The following TRIQK variants were observed in gnomAD, a reference collection of about 807,000 sequenced individuals.
TRIQK encodes the protein triple QxxK/R motif containing.
In TRIQK, 10 loss-of-function variants were observed where a neutral mutation model predicts 10.8. That is an observed-to-expected ratio of 0.92 (90% confidence interval 0.57 to 1.57). The LOEUF (loss-of-function observed/expected upper bound fraction) is 1.57. TRIQK is among the 40% of genes most tolerant of loss of function. The pLI is 0.00. For missense variants in TRIQK, 107 were observed against 97.7 expected (o/e 1.09, Z -0.40); for synonymous variants, 33 against 33.7 (o/e 0.98, Z 0.07).
chr8:92,920,081 T>C (rs1272866856), intron 2 of TRIQK, among the ~76,000 whole-genome samples: 2 of 151,802 alleles, frequency 1.3e-5, no homozygotes, highest in South Asian at 4.1e-4. Context: ...AACAACTTTT[T>C]GTTTTGTTGA....
At chr8:92,944,885 T>C (rs1811442744) in intron 2 of TRIQK, among the ~76,000 whole-genome samples, 1 of 152,116 alleles carries the variant, frequency 6.6e-6, no homozygotes. Context: ...GATAAATATA[T>C]AAGGTGATGG....
At chr8:92,939,302 A>C (rs1586461657) in intron 2 of TRIQK, among the ~76,000 whole-genome samples, 1 of 152,158 alleles carries the variant, frequency 6.6e-6, no homozygotes, top group South Asian at 2.1e-4. Context: ...GAGTGGTCCA[A>C]ACCTTAATAT....
intron 3 of TRIQK, among the ~76,000 whole-genome samples, chr8:92,896,819 T>C (rs1043274615): frequency 2.6e-5 from 4 of 151,754 alleles, no homozygotes; most frequent in African/African-American, 9.7e-5. Flanking sequence ...TCTTTTTCTT[T>C]CTTTTTTTTT....
intron 2 of TRIQK, among the ~76,000 whole-genome samples, chr8:92,923,262 G>A (rs1277411765): frequency 6.6e-6 from 1 of 151,324 alleles, no homozygotes; most frequent in African/African-American, 2.4e-5. Context: ...AGAAATCCAG[G>A]GAGACATTAG....
chr8:93,016,420 C>T (rs1252853655), intron 1 of TRIQK, among the ~76,000 whole-genome samples: 1 of 152,156 alleles, frequency 6.6e-6, no homozygotes, highest in Non-Finnish European at 1.5e-5. Flanking sequence ...CATTTGGCTT[C>T]ATTAACAACT....
chr8:92,931,737 G>C (rs772923249), intron 2 of TRIQK, among the ~76,000 whole-genome samples: 2 of 152,086 alleles, frequency 1.3e-5, no homozygotes, highest in African/African-American at 4.8e-5. Flanking sequence ...ACTTTTGAGA[G>C]TCAAAGAGGG....
At chr8:92,910,800 A>G (rs575677946) in intron 3 of TRIQK, among the ~76,000 whole-genome samples, 214 of 151,492 alleles carry the variant, frequency 1.4e-3, no homozygotes, top group African/African-American at 4.9e-3. Flanking sequence ...TACAAATGCT[A>G]AGCAACGAAA....
Position 92,901,903 on chromosome 8 carries a change from G to A in TRIQK, c.62-9829C>T, listed in dbSNP as rs577165261. Among the ~76,000 whole-genome samples, 7 of 152,172 alleles carry A rather than the reference G, an allele frequency of 4.6e-5. No homozygotes were observed. In the South Asian group the frequency reaches 1.4e-3, roughly 32 times the overall value. On this transcript the variant is annotated intron_variant, in intron 3 of 4. Coordinates refer to ENST00000521988, the MANE Select transcript of TRIQK (RefSeq NM_001171797.2). The stretch of plus-strand genomic sequence containing the variant: ...TTTCCTTGTTGAAAGATGTATTATG[G>A]ATTTGATCTCATTGTTTGTTATTGT...
chr8:92,914,390 A>T (rs914215826), intron 3 of TRIQK, among the ~76,000 whole-genome samples: 1 of 152,230 alleles, frequency 6.6e-6, no homozygotes. Context: ...AGGAGACTAA[A>T]TTAAACTAAA....
intron 3 of TRIQK, among the ~76,000 whole-genome samples, chr8:92,893,033 T>C (rs1484216711): frequency 2.6e-5 from 4 of 151,986 alleles, no homozygotes; most frequent in African/African-American, 7.2e-5. Context: ...ATTTTCATCT[T>C]TTCCCCTTCC....
At chr8:93,002,239 C>T (rs1049286571) in intron 1 of TRIQK, among the ~76,000 whole-genome samples, 1 of 151,948 alleles carries the variant, frequency 6.6e-6, no homozygotes, top group Non-Finnish European at 1.5e-5. Context: ...AGCTAAACCC[C>T]ATAAACTAAA....
At chr8:93,009,273 T>C (rs887805130) in intron 1 of TRIQK, among the ~76,000 whole-genome samples, 2 of 152,106 alleles carry the variant, frequency 1.3e-5, no homozygotes, top group African/African-American at 4.8e-5. Flanking sequence ...GTTAAAACAA[T>C]AATGAAATAT....
At chr8:92,911,718 A>C (rs939164814) in intron 3 of TRIQK, among the ~76,000 whole-genome samples, 1 of 151,184 alleles carries the variant, frequency 6.6e-6, no homozygotes, top group African/African-American at 2.4e-5. Flanking sequence ...TTAACTTAAC[A>C]GGAAGATATA....
At chr8:92,978,157 T>G (rs72677470) in intron 1 of TRIQK, among the ~76,000 whole-genome samples, 6,632 of 152,222 alleles carry the variant, frequency 0.044, 199 homozygotes, top group Non-Finnish European at 0.066. Context: ...CACCTTTCCC[T>G]GTGAATTGTA....
chr8:92,888,665 C>G (rs76804878), intron 4 of TRIQK, among the ~76,000 whole-genome samples: 3,018 of 151,600 alleles, frequency 0.02, 53 homozygotes, highest in Non-Finnish European at 0.03. Flanking sequence ...CCCTTGCCCC[C>G]TTTGGCTATT....
At chr8:92,946,738 T>A (rs1044077812) in intron 2 of TRIQK, among the ~76,000 whole-genome samples, 1 of 151,572 alleles carries the variant, frequency 6.6e-6, no homozygotes, top group East Asian at 1.9e-4. Context: ...CTACCATTTA[T>A]TTTTTATTTT....
chr8:92,996,275 G>C (rs1813153244), intron 1 of TRIQK, among the ~76,000 whole-genome samples: 1 of 151,992 alleles, frequency 6.6e-6, no homozygotes, highest in Non-Finnish European at 1.5e-5. Context: ...TTTCAAAATA[G>C]TTTAAATTCT....
At chr8:92,947,836 A>ATATTAAGTATAG (rs1811635750) in intron 2 of TRIQK, among the ~76,000 whole-genome samples, 1 of 152,170 alleles carries the variant, frequency 6.6e-6, no homozygotes. Context: ...ACGTAAAGGA[A>ATATTAAGTATAG]TATTAAGTAT....
In TRIQK at chr8:92,910,217, T is replaced by C. The variant is rs947639129; in HGVS notation, c.61+6712A>G. ...TAGTAAGTACAATTAAAAAAATATG[T>C]GAAAGATAGGAGAAAGTAATCACAT... On this transcript the variant is annotated intron_variant, in intron 3 of 4. Transcript: ENST00000521988. Among the ~76,000 whole-genome samples the C allele has an allele frequency of 4.6e-5, 7 of 151,394 alleles. No individual in the cohort carries two copies. In the East Asian group the frequency reaches 1.3e-3, roughly 29 times the overall value.
Sources: gnomAD v4.1 joint callset for allele counts (sites outside exome capture counted in the v4.1 genomes callset) on GRCh38, gnomAD v4.1.1 for gene constraint, MANE v1.5 for transcripts, NCBI Gene and HGNC (gene_info 2026-07-23, HGNC 2026-07-21) for gene names.